Variants in B3GALT1 observed in about 807,000 individuals in gnomAD.
The protein encoded by B3GALT1 is UDP-Gal:betaGlcNAc beta 1,3-galactosyltransferase, polypeptide 1.
A neutral mutation model predicts 23.2 loss-of-function variants in B3GALT1; 10 were observed. That is an observed-to-expected ratio of 0.43 (90% CI 0.27 to 0.73). B3GALT1 has a LOEUF of 0.73. B3GALT1 is among the 30% of genes least tolerant of loss of function. The pLI, the probability that B3GALT1 is intolerant of heterozygous loss-of-function variation, is 0.21. For missense variants in B3GALT1, 299 were observed against 405.4 expected (o/e 0.74, Z 2.25); for synonymous variants, 156 against 141.5 (o/e 1.10, Z -0.73).
chr2:167,805,419 TG>T (rs1275185050), intron 3 of B3GALT1, among the ~76,000 whole-genome samples: 2 of 152,244 alleles, frequency 1.3e-5, no homozygotes, highest in African/African-American at 4.8e-5. Context: ...ATGTCCTGAA[TG>T]GTATTGCCTA....
At chr2:167,662,600 A>C (rs967085881) in intron 3 of B3GALT1, among the ~76,000 whole-genome samples, 4 of 152,126 alleles carry the variant, frequency 2.6e-5, no homozygotes, top group African/African-American at 9.7e-5. Flanking sequence ...CTTAAGGTCT[A>C]TTCTCCACTG....
chr2:167,601,332 C>T (rs1684874426), intron 2 of B3GALT1, among the ~76,000 whole-genome samples: 1 of 152,210 alleles, frequency 6.6e-6, no homozygotes, highest in Admixed American at 6.5e-5. Flanking sequence ...CAGGCATGAG[C>T]CACCACGCCC....
intron 3 of B3GALT1, among the ~76,000 whole-genome samples, chr2:167,801,061 A>G (rs1464661592): frequency 6.6e-6 from 1 of 152,230 alleles, no homozygotes; most frequent in East Asian, 1.9e-4. Context: ...TCAGACATGT[A>G]AATAATGAGT....
intron 2 of B3GALT1, among the ~76,000 whole-genome samples, chr2:167,522,141 A>T (rs1218612376): frequency 3.3e-5 from 5 of 151,806 alleles, no homozygotes; most frequent in Non-Finnish European, 7.4e-5. Context: ...GACCTCTGCC[A>T]TAAGGCTTCT....
intron 1 of B3GALT1, among the ~76,000 whole-genome samples, chr2:167,352,260 C>A (rs554474109): frequency 2.1e-4 from 23 of 112,096 alleles, no homozygotes; most frequent in Non-Finnish European, 3.4e-4. Flanking sequence ...AGCCACCATG[C>A]CTGGCCTGTT....
At chr2:167,429,607 T>C (rs1698678249) in intron 1 of B3GALT1, among the ~76,000 whole-genome samples, 1 of 152,086 alleles carries the variant, frequency 6.6e-6, no homozygotes, top group African/African-American at 2.4e-5. Context: ...ACAATGGCCA[T>C]ATGAGTTTCT....
At chr2:167,730,908 A>G (rs1168221374) in intron 3 of B3GALT1, among the ~76,000 whole-genome samples, 1 of 152,176 alleles carries the variant, frequency 6.6e-6, no homozygotes, top group African/African-American at 2.4e-5. Context: ...ACTCCATACG[A>G]ATTTCCTTCC....
chr2:167,823,660 A>G (rs372896649), intron 4 of B3GALT1, among the ~76,000 whole-genome samples: 1 of 152,196 alleles, frequency 6.6e-6, no homozygotes, highest in East Asian at 1.9e-4. Context: ...CACATTCTAC[A>G]TGCCAGGCAG....
chr2:167,504,430 A>G (rs1438428372), intron 2 of B3GALT1, among the ~76,000 whole-genome samples: 1 of 152,186 alleles, frequency 6.6e-6, no homozygotes, highest in Admixed American at 6.5e-5. Flanking sequence ...AATCACCTCA[A>G]AGGTCCTGCT....
At chr2:167,779,471 T>G (rs1482514409) in intron 3 of B3GALT1, among the ~76,000 whole-genome samples, 1 of 152,224 alleles carries the variant, frequency 6.6e-6, no homozygotes, top group African/African-American at 2.4e-5. Context: ...TGGCTCTGAC[T>G]TGCATAAAAT....
intron 1 of B3GALT1, among the ~76,000 whole-genome samples, chr2:167,458,038 G>A (rs536846201): frequency 6.6e-6 from 1 of 152,170 alleles, no homozygotes; most frequent in African/African-American, 2.4e-5. Flanking sequence ...TTATAATGTT[G>A]TACAGCCATG....
chr2:167,618,153 G>T (rs1223143944), intron 2 of B3GALT1, among the ~76,000 whole-genome samples: 1 of 151,918 alleles, frequency 6.6e-6, no homozygotes, highest in Non-Finnish European at 1.5e-5. Flanking sequence ...TCTCTTCCTT[G>T]AACCTTTATT....
At chr2:167,522,326 G>C (rs1383948570) in intron 2 of B3GALT1, among the ~76,000 whole-genome samples, 1 of 151,866 alleles carries the variant, frequency 6.6e-6, no homozygotes, top group Non-Finnish European at 1.5e-5. Context: ...TGTGTGCCTG[G>C]GTTTGCCTCT....
chr2:167,332,004 A>G (rs952082675), intron 1 of B3GALT1, among the ~76,000 whole-genome samples: 11 of 152,044 alleles, frequency 7.2e-5, no homozygotes, highest in African/African-American at 2.7e-4. Context: ...CAGTCTGGTG[A>G]GGTGGGGGCT....
chr2:167,679,945 C>A (rs1038479631), intron 3 of B3GALT1, among the ~76,000 whole-genome samples: 1 of 152,088 alleles, frequency 6.6e-6, no homozygotes, highest in Non-Finnish European at 1.5e-5. Flanking sequence ...TCATGGTTTT[C>A]CTTTACTGAT....
intron 1 of B3GALT1, among the ~76,000 whole-genome samples, chr2:167,395,286 A>G (rs1303081920): frequency 1.3e-5 from 2 of 152,102 alleles, no homozygotes; most frequent in African/African-American, 4.8e-5. Flanking sequence ...TGATCAAGTT[A>G]AGGAACTTGA....
intron 3 of B3GALT1, among the ~76,000 whole-genome samples, chr2:167,799,901 T>G (rs546712567): frequency 6.6e-6 from 1 of 151,628 alleles, no homozygotes; most frequent in East Asian, 2.0e-4. Flanking sequence ...GTTCTTAGTT[T>G]TAACAAAATT....
In B3GALT1 at chr2:167,777,303, A is replaced by T. The variant is rs1386790522; in HGVS notation, c.-351-41369A>T. ...ATGAATGATCATTATGAAGCATCAT[A>T]GTCTACCAATAAACAATTTTCTTTT... is the stretch of plus-strand genomic sequence containing the variant. On this transcript the variant is annotated intron_variant, in intron 3 of 4. Transcript: ENST00000392690. 2.0e-5 allele frequency among the ~76,000 whole-genome samples: 3 copies of T among 152,244 alleles called. No individual in the cohort carries two copies. The East Asian group carries it at 5.8e-4, about 29-fold the overall frequency.
chr2:167,587,873 T>C (rs1684608363), intron 2 of B3GALT1, among the ~76,000 whole-genome samples: 1 of 152,226 alleles, frequency 6.6e-6, no homozygotes, highest in South Asian at 2.1e-4. Context: ...TGGATATAAT[T>C]GGAGAGACAG....
Sources: gnomAD v4.1 joint callset for allele counts (sites outside exome capture counted in the v4.1 genomes callset) on GRCh38, gnomAD v4.1.1 for gene constraint, MANE v1.5 for transcripts, NCBI Gene and HGNC (gene_info 2026-07-23, HGNC 2026-07-21) for gene names.